The following ACACB variants were observed in gnomAD, a reference collection of about 807,000 sequenced individuals.
ACACB encodes acetyl-CoA carboxylase 2.
ACACB carries 209 observed loss-of-function variants against 278.8 expected under a neutral mutation model. That is an observed-to-expected ratio of 0.75 (90% confidence interval 0.67 to 0.84). ACACB has a LOEUF of 0.84. Among genes scored for constraint, ACACB ranks in the 40% least tolerant of loss-of-function variants. The pLI is 0.00. For synonymous variants in ACACB, 1,174 were observed against 1,285.6 expected, an observed-to-expected ratio of 0.91 and a Z score of 1.86; for missense variants, 2,850 against 3,269.0, an observed-to-expected ratio of 0.87 and a Z score of 3.13.
At chr12:109,197,896 T>C (rs2045197464) in intron 17 of ACACB, among the ~76,000 whole-genome samples, 1 of 152,114 alleles carries the variant, frequency 6.6e-6, no homozygotes, top group South Asian at 2.1e-4. Flanking sequence ...TTTTGTTATC[T>C]CCTTTTTTTT....
chr12:109,175,915 C>T lies in ACACB; in HGVS notation c.1217-16C>T. The T allele has an allele frequency of 6.2e-7, 1 of 1,612,140 alleles. No individual in the cohort carries two copies. The highest frequency in any genetic ancestry group is 8.5e-7 in the Non-Finnish European group (1 of 1,178,308). ...CCTGGATTTGGGAGGAATCAGGTTT[C>T]TTTGTGACTCTCCAGGCCTGACAGT... On this transcript the variant is annotated splice_polypyrimidine_tract_variant and intron_variant, in intron 7 of 52. Coordinates refer to ENST00000338432, the MANE Select transcript of ACACB (RefSeq NM_001093.4).
chr12:109,220,974 C>G (rs1380469872), intron 24 of ACACB, among the ~76,000 whole-genome samples: 2 of 152,148 alleles, frequency 1.3e-5, no homozygotes, highest in Non-Finnish European at 2.9e-5. Context: ...CACACAAACT[C>G]TTGAGTTTTT....
chr12:109,128,564 C>CCCGAACTCAAGTGATCTG (rs1188872558), intron 1 of ACACB, among the ~76,000 whole-genome samples: 1 of 152,018 alleles, frequency 6.6e-6, no homozygotes, highest in Non-Finnish European at 1.5e-5. Context: ...GTCTCGAACT[C>CCCGAACTCAAGTGATCTG]CCGAACTCAA....
In ACACB at chr12:109,216,682, C is replaced by T. The variant is rs777681543; in HGVS notation, c.3415C>T (p.Arg1139Cys). 7 of 1,614,070 alleles carry T rather than the reference C, an allele frequency of 4.3e-6. No individual in the cohort carries two copies. The highest frequency in any genetic ancestry group is 1.7e-5 in the Admixed American group (1 of 59,990). ...VVLDLLRRYL[R>C]VEHHFQQAHY... ...GTTGGATCTCCTGAGAAGATACTTG[C>T]GTGTTGAGCACCATTTTCAGCAAGG... Residue 1139 changes from arginine (R) to cysteine (C), a missense_variant, in exon 23 of 53, where the codon CGT becomes TGT. Arg to Cys is a radical substitution (Grantham distance 180, BLOSUM62 -3). This residue lies in a region of ACACB where 2,265 missense variants were observed against 2,561.3 expected (regional missense o/e 0.88). Transcript: ENST00000338432.
Position 109,207,087 on chromosome 12 carries a change from C to G in ACACB, c.3060+231C>G, listed in dbSNP as rs548212883. Among the ~76,000 whole-genome samples, 4 of 152,328 alleles carry G rather than the reference C, an allele frequency of 2.6e-5. No homozygotes were observed. In the East Asian group the frequency reaches 7.7e-4, roughly 29 times the overall value. On this transcript the variant is annotated intron_variant, in intron 20 of 52. Transcript: ENST00000338432. ...CCTACCACCTCAGCCTCCCACGTAG[C>G]TGGGACTATAGGTGCACCCCACCAC...
intron 24 of ACACB, 27 bp downstream of exon 24, chr12:109,216,947 G>A: frequency 1.2e-6 from 2 of 1,609,918 alleles, no homozygotes; most frequent in Non-Finnish European, 1.7e-6. Context: ...CCTGTTACTA[G>A]ACTGGGGGTG....
rs1236271653 is a variant in ACACB at position 109,245,752 on chromosome 12, A to C, written c.5301+4A>C. On this transcript the variant is annotated splice_donor_region_variant and intron_variant, in intron 38 of 52. Coordinates refer to ENST00000338432, the MANE Select transcript of ACACB (RefSeq NM_001093.4). ...CCGACTTCCTGGTGGAAATGAGGTA[A>C]TAGCTCAGCGGAGCCTAACCCCTGG... is the stretch of plus-strand genomic sequence containing the variant. 3.1e-6 allele frequency: 5 copies of C among 1,613,526 alleles called. No individual in the cohort carries two copies. The highest frequency in any genetic ancestry group is 2.7e-5 in the African/African-American group (2 of 74,874).
At chr12:109,202,383 C>T (rs1219080118) in intron 19 of ACACB, among the ~76,000 whole-genome samples, 1 of 151,962 alleles carries the variant, frequency 6.6e-6, no homozygotes, top group African/African-American at 2.4e-5. Context: ...GGCGTGATCT[C>T]GACTCACTGC....
upstream of ACACB, among the ~76,000 whole-genome samples, chr12:109,115,209 A>G (rs1052285580): frequency 3.9e-5 from 6 of 152,216 alleles, no homozygotes. Flanking sequence ...CATATGGTGA[A>G]GTAGTTGATG....
At chr12:109,265,912 C>G (rs529976428) in intron 52 of ACACB, among the ~76,000 whole-genome samples, 1 of 152,388 alleles carries the variant, frequency 6.6e-6, no homozygotes, top group South Asian at 2.1e-4. Flanking sequence ...TCCCCTCCCC[C>G]AATTGCCATG....
rs923947414 is a variant in ACACB, at chr12:109,178,983, C to T, written c.1438-105C>T. 1.0e-5 allele frequency: 11 copies of T among 1,076,416 alleles called. No individual in the cohort carries two copies. In the Admixed American group the frequency reaches 1.4e-4, roughly 14 times the overall value. The allele number at this position is 1,076,416 out of a possible 1,614,324, so 66.7% of individuals were successfully genotyped here. A position where few individuals can be genotyped will look rare whatever the true frequency, so the allele number is the denominator to read the frequency against. On this transcript the variant is annotated intron_variant, in intron 9 of 52. Coordinates refer to ENST00000338432, the MANE Select transcript of ACACB (RefSeq NM_001093.4). ...ATCAGCAGAGTCCTGGATGAGTACC[C>T]TAAACACATCACTGCGTTTGTTTTA...
intron 1 of ACACB, chr12:109,131,362 G>T (rs1448423049): frequency 6.5e-6 from 1 of 152,730 alleles, no homozygotes; most frequent in Non-Finnish European, 1.5e-5. Flanking sequence ...GGTTCCCTTA[G>T]TCACCCTGTG....
chr12:109,187,691 C>T (rs568966045), intron 12 of ACACB, among the ~76,000 whole-genome samples: 2 of 152,042 alleles, frequency 1.3e-5, no homozygotes, highest in East Asian at 3.9e-4. Flanking sequence ...AACTCCTGGG[C>T]TCAAGTGATC....
At chr12:109,259,758 A>T (rs2047330790) in intron 47 of ACACB, among the ~76,000 whole-genome samples, 1 of 152,154 alleles carries the variant, frequency 6.6e-6, no homozygotes, top group Non-Finnish European at 1.5e-5. Flanking sequence ...CTCTGCAGAA[A>T]GCTGCTCTGA....
rs533695902 is a variant in ACACB, at chr12:109,174,217, C to T, written c.1203C>T (p.Pro401=). 4.5e-5 allele frequency: 73 copies of T among 1,612,296 alleles called. 2 individuals are homozygous for T. In the South Asian group the frequency reaches 7.7e-4, roughly 17 times the overall value. Residue 401 remains proline (P), a synonymous_variant, in exon 7 of 53, where the codon CCC becomes CCT. Coordinates refer to ENST00000338432, the MANE Select transcript of ACACB (RefSeq NM_001093.4). ...AGACGCTACAGGTCCCAACCCTGCC[C>T]TGGAGTGGAAGCGGTAAGGGACCCC... ...VAQTLQVPTL[P]WSGSGLTVEW...
intron 15 of ACACB, among the ~76,000 whole-genome samples, chr12:109,192,631 T>A (rs1324197248): frequency 1.3e-5 from 2 of 151,922 alleles, no homozygotes; most frequent in East Asian, 3.8e-4. Flanking sequence ...AAAGGAACTA[T>A]CAAAAAGAAA....
intron 24 of ACACB, 44 bp downstream of exon 24, chr12:109,216,964 G>A: frequency 6.3e-7 from 1 of 1,598,578 alleles, no homozygotes; most frequent in Admixed American, 1.7e-5. Flanking sequence ...GGTGGGTCAG[G>A]AGTCCACAAA....
chr12:109,133,240 T>TTCTC (rs55987918), intron 1 of ACACB, among the ~76,000 whole-genome samples: 132 of 148,450 alleles, frequency 8.9e-4, no homozygotes, highest in African/African-American at 1.6e-3. Flanking sequence ...GCACTTCTCT[T>TTCTC]TCTCTCTCTC....
At chr12:109,121,191 A>T (rs1215464579) in intron 1 of ACACB, among the ~76,000 whole-genome samples, 2 of 152,090 alleles carry the variant, frequency 1.3e-5, no homozygotes, top group Admixed American at 6.5e-5. Flanking sequence ...CTGCCCGCCT[A>T]GGCCTCCCAA....
Sources: gnomAD v4.1 joint callset for allele counts (sites outside exome capture counted in the v4.1 genomes callset) on GRCh38, gnomAD v4.1.1 for gene constraint, gnomAD v4.1.1 regional missense constraint, MANE v1.5 for transcripts, NCBI Gene and HGNC (gene_info 2026-07-23, HGNC 2026-07-21) for gene names.